The following CHST14 variants were observed in gnomAD, a reference collection of about 807,000 sequenced individuals.
CHST14 encodes carbohydrate sulfotransferase 14.
Under a neutral mutation model 22.7 loss-of-function variants are expected in CHST14, and 13 were observed. The observed-to-expected ratio is 0.57, with a 90% CI of 0.37 to 0.91. The LOEUF (loss-of-function observed/expected upper bound fraction) is 0.91, where lower values mean the gene tolerates loss of function less well. CHST14 is among the 40% of genes least tolerant of loss of function. The pLI is 0.01. For synonymous variants in CHST14, 233 were observed against 231.9 expected (o/e 1.00, Z -0.04); for missense variants, 466 against 513.1 (o/e 0.91, Z 0.89).
Position 40,471,030 on chromosome 15 carries a change from C to T in CHST14, c.-184C>T. ...CGGGTCCCTCGCCGCGCCCGCCGCC[C>T]GCCGCCCGCTTCGGCGCCGCAGCCC... On this transcript the variant is annotated 5_prime_UTR_variant, in exon 1 of 1. Coordinates refer to ENST00000306243, the MANE Select transcript of CHST14 (RefSeq NM_130468.4). This position sits in a 1 kb window ranked among gnomAD's most constrained non-coding sequence, Gnocchi z 6.4. 2.9e-6 allele frequency: 1 copy of T among 339,500 alleles called. No homozygotes were observed. 21.0% of individuals were successfully genotyped at this position (339,500 alleles called of 1,614,324 possible). A position where few individuals can be genotyped will look rare whatever the true frequency, so the allele number is the denominator to read the frequency against.
Position 40,471,468 on chromosome 15 carries a change from G to A in CHST14, c.255G>A (p.Gly85=), listed in dbSNP as rs2141570543. 2 of 1,593,896 alleles carry A rather than the reference G, an allele frequency of 1.3e-6. No homozygotes were observed. The highest frequency in any genetic ancestry group is 1.7e-6 in the Non-Finnish European group (2 of 1,174,710). The change falls in exon 1 of 1, where the codon GGG becomes GGA. Residue 85 remains glycine (G), a synonymous_variant. Transcript: ENST00000306243. This position sits in a 1 kb window ranked among gnomAD's most constrained non-coding sequence, Gnocchi z 6.4. ...PPGREGTAWR[G]KAPKPGGLSL... The stretch of plus-strand genomic sequence containing the variant: ...GCCGCGAGGGCACAGCCTGGCGCGG[G>A]AAAGCCCCCAAGCCTGGGGGCCTGT...
At position 40,472,386 on chromosome 15, in the gene CHST14, C is replaced by T. The variant is rs373631378; in HGVS notation, c.*42C>T. The T allele has an allele frequency of 3.7e-5, 58 of 1,552,078 alleles. No homozygotes were observed. In the African/African-American group the frequency reaches 5.2e-4, roughly 14 times the overall value. ...AGCAGCTGGTGGGGACTGGTTTCAA[C>T]GCCAGCTTTCTGTGCTTCTGCCTGT... is the stretch of plus-strand genomic sequence containing the variant. On this transcript the variant is annotated 3_prime_UTR_variant, in exon 1 of 1. Transcript: ENST00000306243.
In CHST14 at chr15:40,471,017, C is replaced by CGCGCCCG. The variant is rs1437140323; in HGVS notation, c.-196_-190dup. The CGCGCCCG allele has an allele frequency of 3.1e-6, 1 of 317,674 alleles. No individual in the cohort carries two copies. Among genetic ancestry groups the CGCGCCCG allele is most frequent in the African/African-American group, 2.2e-5 (1 of 45,560 alleles). The allele number at this position is 317,674 out of a possible 1,614,324, so 19.7% of individuals were successfully genotyped here. ...GGGACATCCGGCCCGGGTCCCTCGC[C>CGCGCCCG]GCGCCCGCCGCCCGCCGCCCGCTTC... On this transcript the variant is annotated 5_prime_UTR_variant, in exon 1 of 1. Coordinates refer to ENST00000306243, the MANE Select transcript of CHST14 (RefSeq NM_130468.4). The surrounding 1 kb of genome is among the most constrained non-coding windows in gnomAD (Gnocchi z 6.4).
At position 40,471,069 on chromosome 15, in the gene CHST14, C is replaced by A. The variant is rs1043479061; in HGVS notation, c.-145C>A. ...GCGCCGCAGCCCGGGAGCCGGCCAC[C>A]CCTACACGCGCCAGGGCTGTCCCCT... On this transcript the variant is annotated 5_prime_UTR_variant, in exon 1 of 1. Coordinates refer to ENST00000306243, the MANE Select transcript of CHST14 (RefSeq NM_130468.4). This position sits in a 1 kb window ranked among gnomAD's most constrained non-coding sequence, Gnocchi z 6.4. 3 of 381,410 alleles carry A rather than the reference C, an allele frequency of 7.9e-6. No homozygotes were observed. Among genetic ancestry groups the A allele is most frequent in the South Asian group, 1.0e-4 (1 of 9,856 alleles). The allele number at this position is 381,410 out of a possible 1,614,324, so 23.6% of individuals were successfully genotyped here.
At position 40,471,559 on chromosome 15, in the gene CHST14, G is replaced by T. The variant is rs1281631168; in HGVS notation, c.346G>T (p.Val116Leu). Residue 116 changes from valine to leucine, a missense_variant, in exon 1 of 1, where the codon GTG becomes TTG. Transcript: ENST00000306243. The surrounding 1 kb of genome is among the most constrained non-coding windows in gnomAD (Gnocchi z 6.4). ...QDVRNRTLRA[V>L]CGQPGMPRDP... ...CGTCCGGAACAGGACCCTGCGGGCG[G>T]TGTGCGGACAGCCAGGCATGCCCCG... is the stretch of plus-strand genomic sequence containing the variant. The T allele has an allele frequency of 1.9e-6, 3 of 1,606,892 alleles. No individual in the cohort carries two copies. Among genetic ancestry groups the T allele is most frequent in the South Asian group, 1.1e-5 (1 of 90,928 alleles).
In CHST14 at chr15:40,471,614, G is replaced by A. The variant is rs1484119071; in HGVS notation, c.401G>A (p.Arg134Gln). 18 of 1,612,834 alleles carry A rather than the reference G, an allele frequency of 1.1e-5. No homozygotes were observed. The highest frequency in any genetic ancestry group is 1.5e-5 in the Non-Finnish European group (18 of 1,179,960). ...CCCTGGGACTTGCCGGTGGGGCAGC[G>A]GCGCACCCTGCTGCGCCACATCCTC... ...RDPWDLPVGQ[R>Q]RTLLRHILVS... The change falls in exon 1 of 1, where the codon CGG (arginine) becomes CAG (glutamine). Residue 134 changes from arginine to glutamine, a missense_variant. Arg to Gln is a conservative substitution (Grantham distance 43). Transcript: ENST00000306243. The surrounding 1 kb of genome is among the most constrained non-coding windows in gnomAD (Gnocchi z 6.4).
In CHST14 at chr15:40,472,194, G is replaced by T. The variant is rs147466381; in HGVS notation, c.981G>T (p.Trp327Cys). 5.0e-6 allele frequency: 8 copies of T among 1,613,984 alleles called. No individual in the cohort carries two copies. The African/African-American group carries it at 1.1e-4, about 22-fold the overall frequency. The change falls in exon 1 of 1, where the codon TGG (tryptophan) becomes TGT (cysteine). Residue 327 changes from tryptophan to cysteine, a missense_variant. Trp to Cys is a radical substitution (Grantham distance 215). Transcript: ENST00000306243. ...PHVRFPARQA[W>C]YRPASPESLH... ...TCCGATTTCCAGCTCGCCAGGCCTGGTACCGGCCAGCCAGCCCCGAAAGCC... is the reference window on the plus strand; with the variant it reads ...TCCGATTTCCAGCTCGCCAGGCCTGTTACCGGCCAGCCAGCCCCGAAAGCC...
At position 40,471,702 on chromosome 15, in the gene CHST14, G is replaced by A; in HGVS notation, c.489G>A (p.Lys163=). The A allele has an allele frequency of 1.2e-6, 2 of 1,613,692 alleles. No homozygotes were observed. The highest frequency in any genetic ancestry group is 1.7e-6 in the Non-Finnish European group (2 of 1,180,038). ...YVPKVACSNW[K]RVMKVLAGVL... is the part of the protein sequence containing the mutation. The stretch of plus-strand genomic sequence containing the variant: ...CCAAGGTGGCCTGCTCTAACTGGAA[G>A]CGGGTGATGAAGGTGCTGGCAGGCG... The change falls in exon 1 of 1, where the codon AAG becomes AAA. Residue 163 remains lysine, a synonymous_variant. Coordinates refer to ENST00000306243, the MANE Select transcript of CHST14 (RefSeq NM_130468.4). The surrounding 1 kb of genome is among the most constrained non-coding windows in gnomAD (Gnocchi z 6.4).
Position 40,471,955 on chromosome 15 carries a change from G to A in CHST14, c.742G>A (p.Gly248Arg). 1 of 1,614,104 alleles carries A rather than the reference G, an allele frequency of 6.2e-7. No homozygotes were observed. Among genetic ancestry groups the A allele is most frequent in the African/African-American group, 1.3e-5 (1 of 75,066 alleles). ...GAEIVRRYRAGAGPSPAGDDV... is the reference protein window; with the variant it reads ...GAEIVRRYRARAGPSPAGDDV... ...TGAGATAGTGAGGCGGTACAGGGCTGGAGCGGGGCCCAGCCCTGCAGGCGA... is the reference window on the plus strand; with the variant it reads ...TGAGATAGTGAGGCGGTACAGGGCTAGAGCGGGGCCCAGCCCTGCAGGCGA... Residue 248 changes from glycine to arginine, a missense_variant, in exon 1 of 1, where the codon GGA becomes AGA. By Grantham distance (125) the Gly-to-Arg change is moderately radical. Coordinates refer to ENST00000306243, the MANE Select transcript of CHST14 (RefSeq NM_130468.4). This position sits in a 1 kb window ranked among gnomAD's most constrained non-coding sequence, Gnocchi z 6.4.
In CHST14 at chr15:40,471,900, G is replaced by T. The variant is rs766320306; in HGVS notation, c.687G>T (p.Glu229Asp). 6.2e-7 allele frequency: 1 copy of T among 1,614,122 alleles called. No homozygotes were observed. The highest frequency in any genetic ancestry group is 1.1e-5 in the South Asian group (1 of 91,082). ...CTGCCTACCGCAACAAGTTTGGCGA[G>T]ATCCGAGAGTACCAGCAACGCTATG... ...LLSAYRNKFG[E>D]IREYQQRYGA... The change falls in exon 1 of 1, where the codon GAG (glutamate) becomes GAT (aspartate). Residue 229 changes from glutamate to aspartate, a missense_variant. Transcript: ENST00000306243. The surrounding 1 kb of genome is among the most constrained non-coding windows in gnomAD (Gnocchi z 6.4).
rs557892405 is a variant in CHST14 at position 40,471,182 on chromosome 15, G to A, written c.-32G>A. The A allele has an allele frequency of 2.8e-6, 3 of 1,057,876 alleles. No homozygotes were observed. The highest frequency in any genetic ancestry group is 1.8e-5 in the African/African-American group (1 of 55,936). The allele number at this position is 1,057,876 out of a possible 1,614,324, so 65.5% of individuals were successfully genotyped here. A position where few individuals can be genotyped will look rare whatever the true frequency, so the allele number is the denominator to read the frequency against. ...CTTCCAGGCCGCCCTCGGATCGGCC[G>A]GGCCCGCGCAGGCCCCCACCCCTTG... is the stretch of plus-strand genomic sequence containing the variant. On this transcript the variant is annotated 5_prime_UTR_variant, in exon 1 of 1. Coordinates refer to ENST00000306243, the MANE Select transcript of CHST14 (RefSeq NM_130468.4). This position sits in a 1 kb window ranked among gnomAD's most constrained non-coding sequence, Gnocchi z 6.4.
Position 40,472,516 on chromosome 15 carries a change from C to T in CHST14, c.*172C>T. The T allele has an allele frequency of 1.4e-6, 1 of 704,870 alleles. No individual in the cohort carries two copies. The highest frequency in any genetic ancestry group is 1.9e-5 in the South Asian group (1 of 52,020). 43.7% of individuals were successfully genotyped at this position (704,870 alleles called of 1,614,324 possible). A position where few individuals can be genotyped will look rare whatever the true frequency, so the allele number is the denominator to read the frequency against. On this transcript the variant is annotated 3_prime_UTR_variant, in exon 1 of 1. Coordinates refer to ENST00000306243, the MANE Select transcript of CHST14 (RefSeq NM_130468.4). ...TCCAGGGTGGGCACCCACAGTGACT[C>T]AGAGGACAGGGCTAGGCAGGAGACC...
chr15:40,471,281 G>C lies in CHST14; in HGVS notation c.68G>C (p.Arg23Thr). ...NGAEPLGRAL[R>T]RAPLGRARAG... Reference sequence around the variant, plus strand: ...GCCGAGCCCCTGGGCCGGGCGCTGAGGCGGGCCCCTCTGGGCAGGGCCCGG... The same window carrying C: ...GCCGAGCCCCTGGGCCGGGCGCTGACGCGGGCCCCTCTGGGCAGGGCCCGG... Residue 23 changes from arginine to threonine, a missense_variant, in exon 1 of 1, where the codon AGG becomes ACG. Arg to Thr is a moderately conservative substitution (Grantham distance 71, BLOSUM62 -1). Transcript: ENST00000306243. The surrounding 1 kb of genome is among the most constrained non-coding windows in gnomAD (Gnocchi z 6.4). The C allele has an allele frequency of 1.3e-6, 2 of 1,512,196 alleles. No homozygotes were observed. The highest frequency in any genetic ancestry group is 1.2e-5 in the South Asian group (1 of 82,026). The allele number at this position is 1,512,196 out of a possible 1,614,324, so 93.7% of individuals were successfully genotyped here.
chr15:40,471,297 C>G lies in CHST14; in HGVS notation c.84C>G (p.Gly28=). The G allele has an allele frequency of 6.5e-7, 1 of 1,530,700 alleles. No homozygotes were observed. Among genetic ancestry groups the G allele is most frequent in the Non-Finnish European group, 8.7e-7 (1 of 1,144,526 alleles). 94.8% of individuals were successfully genotyped at this position (1,530,700 alleles called of 1,614,324 possible). A position where few individuals can be genotyped will look rare whatever the true frequency, so the allele number is the denominator to read the frequency against. The change falls in exon 1 of 1, where the codon GGC becomes GGG. Residue 28 remains glycine (G), a synonymous_variant. Coordinates refer to ENST00000306243, the MANE Select transcript of CHST14 (RefSeq NM_130468.4). The surrounding 1 kb of genome is among the most constrained non-coding windows in gnomAD (Gnocchi z 6.4). ...LGRALRRAPL[G]RARAGLGGPP... is the part of the protein sequence containing the mutation. ...GGGCGCTGAGGCGGGCCCCTCTGGG[C>G]AGGGCCCGGGCGGGGCTGGGTGGGC...
At position 40,471,130 on chromosome 15, in the gene CHST14, C is replaced by G. The variant is rs572374791; in HGVS notation, c.-84C>G. The G allele has an allele frequency of 9.8e-5, 55 of 560,138 alleles. No individual in the cohort carries two copies. The Middle Eastern group carries it at 2.0e-3, about 21-fold the overall frequency. The allele number at this position is 560,138 out of a possible 1,614,324, so 34.7% of individuals were successfully genotyped here. Reference sequence around the variant, plus strand: ...CCCCAACTACCCCCGGTCCCAGACCCTCCTCCCGCCCCCAGCCCGAGCCCG... The same window carrying G: ...CCCCAACTACCCCCGGTCCCAGACCGTCCTCCCGCCCCCAGCCCGAGCCCG... On this transcript the variant is annotated 5_prime_UTR_variant, in exon 1 of 1. Transcript: ENST00000306243. This position sits in a 1 kb window ranked among gnomAD's most constrained non-coding sequence, Gnocchi z 6.4.
chr15:40,472,550 C>A lies in CHST14; in HGVS notation c.*206C>A, dbSNP rs1894366154. 1.7e-6 allele frequency: 1 copy of A among 595,602 alleles called. No homozygotes were observed. The highest frequency in any genetic ancestry group is 3.0e-6 in the Non-Finnish European group (1 of 332,156). The allele number at this position is 595,602 out of a possible 1,614,324, so 36.9% of individuals were successfully genotyped here. ...GGGCTAGGCAGGAGACCTGCTGCTC[C>A]TCATTGGGGGGATCTCTTGGGGGGC... On this transcript the variant is annotated 3_prime_UTR_variant, in exon 1 of 1. Coordinates refer to ENST00000306243, the MANE Select transcript of CHST14 (RefSeq NM_130468.4).
Position 40,471,565 on chromosome 15 carries a change from G to T in CHST14, c.352G>T (p.Gly118Ter). 6.2e-7 allele frequency: 1 copy of T among 1,607,374 alleles called. No homozygotes were observed. The highest frequency in any genetic ancestry group is 8.5e-7 in the Non-Finnish European group (1 of 1,178,000). ...VRNRTLRAVCGQPGMPRDPWD... is the reference protein window; with the variant it reads ...VRNRTLRAVC Reference sequence around the variant, plus strand: ...GAACAGGACCCTGCGGGCGGTGTGCGGACAGCCAGGCATGCCCCGGGACCC... The same window carrying T: ...GAACAGGACCCTGCGGGCGGTGTGCTGACAGCCAGGCATGCCCCGGGACCC... The change falls in exon 1 of 1, where the codon GGA becomes TGA. Residue 118 changes from glycine to a stop codon, truncating the protein, a stop_gained. Transcript: ENST00000306243. LOFTEE classifies it high-confidence loss of function. This position sits in a 1 kb window ranked among gnomAD's most constrained non-coding sequence, Gnocchi z 6.4.
Position 40,471,914 on chromosome 15 carries a change from A to G in CHST14, c.701A>G (p.Gln234Arg), listed in dbSNP as rs1192265045. Residue 234 changes from glutamine (Q) to arginine (R), a missense_variant, in exon 1 of 1, where the codon CAG becomes CGG. Physicochemically the swap from Gln to Arg is conservative, Grantham distance 43 (BLOSUM62 1). Transcript: ENST00000306243. This position sits in a 1 kb window ranked among gnomAD's most constrained non-coding sequence, Gnocchi z 6.4. ...RNKFGEIREY[Q>R]QRYGAEIVRR... Reference sequence around the variant, plus strand: ...AAGTTTGGCGAGATCCGAGAGTACCAGCAACGCTATGGGGCTGAGATAGTG... The same window carrying G: ...AAGTTTGGCGAGATCCGAGAGTACCGGCAACGCTATGGGGCTGAGATAGTG... 1 of 1,614,132 alleles carries G rather than the reference A, an allele frequency of 6.2e-7. No individual in the cohort carries two copies. The highest frequency in any genetic ancestry group is 1.1e-5 in the South Asian group (1 of 91,082).
chr15:40,471,129 C>G lies in CHST14; in HGVS notation c.-85C>G. On this transcript the variant is annotated 5_prime_UTR_variant, in exon 1 of 1. Coordinates refer to ENST00000306243, the MANE Select transcript of CHST14 (RefSeq NM_130468.4). This position sits in a 1 kb window ranked among gnomAD's most constrained non-coding sequence, Gnocchi z 6.4. ...TCCCCAACTACCCCCGGTCCCAGACCCTCCTCCCGCCCCCAGCCCGAGCCC... is the reference window on the plus strand; with the variant it reads ...TCCCCAACTACCCCCGGTCCCAGACGCTCCTCCCGCCCCCAGCCCGAGCCC... The G allele has an allele frequency of 1.8e-6, 1 of 549,416 alleles. No individual in the cohort carries two copies. Among genetic ancestry groups the G allele is most frequent in the Non-Finnish European group, 2.9e-6 (1 of 348,582 alleles). The allele number at this position is 549,416 out of a possible 1,614,324, so 34.0% of individuals were successfully genotyped here.
Sources: allele counts gnomAD v4.1 joint callset, GRCh38; gene constraint gnomAD v4.1.1; non-coding constraint Gnocchi (gnomAD v3.1); transcripts MANE v1.5; gene names NCBI Gene and HGNC (gene_info 2026-07-23, HGNC 2026-07-21).